The following DNMT3A variants were observed in gnomAD, a reference collection of about 807,000 sequenced individuals.
DNMT3A encodes DNA (cytosine-5)-methyltransferase 3A.
In DNMT3A, 267 loss-of-function variants were observed where a neutral mutation model predicts 117.6. The observed-to-expected ratio is 2.27, with a 90% CI of 2.05 to 2.51. The LOEUF is 2.51. Among genes scored for constraint, DNMT3A ranks in the 30% most tolerant of loss-of-function variants. DNMT3A has a pLI of 0.00. For missense variants in DNMT3A, 1,029 were observed against 1,260.2 expected (o/e 0.82, Z 2.78); for synonymous variants, 432 against 474.8 (o/e 0.91, Z 1.17).
chr2:25,244,368 C>T, intron 14 of DNMT3A, 30 bp from the exon 15 acceptor site: 2 of 1,582,472 alleles, frequency 1.3e-6, no homozygotes, highest in Non-Finnish European at 1.7e-6. Flanking sequence ...GCAGAGGAGA[C>T]TCTCAGCCCT....
In DNMT3A at chr2:25,236,835, G is replaced by A; in HGVS notation, c.2478+101C>T. 1 of 1,251,872 alleles carries A rather than the reference G, an allele frequency of 8.0e-7. No individual in the cohort carries two copies. The highest frequency in any genetic ancestry group is 2.3e-5 in the Admixed American group (1 of 43,494). 77.5% of individuals were successfully genotyped at this position (1,251,872 alleles called of 1,614,324 possible). On this transcript the variant is annotated intron_variant, in intron 21 of 22. Transcript: ENST00000321117. The surrounding 1 kb of genome is among the most constrained non-coding windows in gnomAD (Gnocchi z 4.5). The stretch of plus-strand genomic sequence containing the variant: ...CTCCTAAATTGCATTCTCCACACTA[G>A]CTGGAGAAGCAGGCGGGACAAGGCC...
Position 25,282,104 on chromosome 2 carries a change from C to A in DNMT3A, c.448+337G>T. The A allele has an allele frequency of 8.8e-7, 1 of 1,142,072 alleles. No homozygotes were observed. The highest frequency in any genetic ancestry group is 1.1e-6 in the Non-Finnish European group (1 of 894,538). The allele number at this position is 1,142,072 out of a possible 1,614,324, so 70.7% of individuals were successfully genotyped here. On this transcript the variant is annotated intron_variant, in intron 4 of 22. Transcript: ENST00000321117. This position sits in a 1 kb window ranked among gnomAD's most constrained non-coding sequence, Gnocchi z 5.2. ...AGGCGATGGAGGGACCGCCATTATC[C>A]CAGTCTAGCAATCGTTGGCGTTATG...
rs1024296111 is a variant in DNMT3A, at chr2:25,247,605, C to T, written c.1000G>A (p.Gly334Ser). The T allele has an allele frequency of 6.2e-6, 10 of 1,614,012 alleles. No individual in the cohort carries two copies. Among genetic ancestry groups the T allele is most frequent in the South Asian group, 1.1e-5 (1 of 91,054 alleles). The change falls in exon 8 of 23, where the codon GGC becomes AGC. Residue 334 changes from glycine to serine, a missense_variant. Transcript: ENST00000321117. The surrounding 1 kb of genome is among the most constrained non-coding windows in gnomAD (Gnocchi z 5.6). Reference sequence around the variant, plus strand: ...CCACAACTTACCACTGAGAATTTGCCGTCTCCGAACCACATGACCCAGCGG... The same window carrying T: ...CCACAACTTACCACTGAGAATTTGCTGTCTCCGAACCACATGACCCAGCGG... ...GTRWVMWFGD[G>S]KFSVVCVEKL... is the part of the protein sequence containing the mutation.
chr2:25,288,943 T>TG (rs1282869566), intron 3 of DNMT3A, among the ~76,000 whole-genome samples: 1 of 152,064 alleles, frequency 6.6e-6, no homozygotes, highest in African/African-American at 2.4e-5. Context: ...CCCTGAAGGG[T>TG]GGGGGTGAAC....
intron 6 of DNMT3A, among the ~76,000 whole-genome samples, chr2:25,251,133 G>C (rs1675482671): frequency 6.8e-6 from 1 of 146,188 alleles, no homozygotes; most frequent in African/African-American, 2.5e-5. Context: ...CTGGGGCAGT[G>C]GGGTGGGGGA....
At chr2:25,288,369 T>C (rs1360264159) in intron 3 of DNMT3A, among the ~76,000 whole-genome samples, 1 of 151,658 alleles carries the variant, frequency 6.6e-6, no homozygotes, top group African/African-American at 2.4e-5. Context: ...AGGCAGAGCT[T>C]GCAGTGAGCC....
At position 25,246,284 on chromosome 2, in the gene DNMT3A, C is replaced by T. The variant is rs759747677; in HGVS notation, c.1305G>A (p.Val435=). The T allele has an allele frequency of 6.8e-6, 11 of 1,612,188 alleles. No homozygotes were observed. The highest frequency in any genetic ancestry group is 3.3e-4 in the Middle Eastern group (2 of 6,072). The change falls in exon 11 of 23, where the codon GTG becomes GTA. Residue 435 remains valine (V), a synonymous_variant. Coordinates refer to ENST00000321117, the MANE Select transcript of DNMT3A (RefSeq NM_022552.5). ...CAGGTTCCACCCACATGTCCGTGTA[C>T]ACTTCTTTGTAGGGATTCTTCTCTT... is the stretch of plus-strand genomic sequence containing the variant. ...PEEEKNPYKE[V]YTDMWVEPEA... is the part of the protein sequence containing the mutation.
chr2:25,303,897 C>A (rs72810074), intron 2 of DNMT3A, among the ~76,000 whole-genome samples: 3,389 of 152,344 alleles, frequency 0.022, 60 homozygotes, highest in Non-Finnish European at 0.031. Flanking sequence ...GCAAGTGGTT[C>A]ATTCTCGCAT....
rs1003672409 is a variant in DNMT3A at position 25,228,202 on chromosome 2, A to C, written c.*6077T>G. On this transcript the variant is annotated 3_prime_UTR_variant, in exon 23 of 23. Coordinates refer to ENST00000321117, the MANE Select transcript of DNMT3A (RefSeq NM_022552.5). Reference sequence around the variant, plus strand: ...GTCAATAAATAGAGAAGCAACCCTAAAAAAAAAAAAAAAAAAAAAAAAAAA... The same window carrying C: ...GTCAATAAATAGAGAAGCAACCCTACAAAAAAAAAAAAAAAAAAAAAAAAA... 3.4e-4 allele frequency: 25 copies of C among 73,616 alleles called. No individual in the cohort carries two copies. Among genetic ancestry groups the C allele is most frequent in the African/African-American group, 1.4e-3 (25 of 18,104 alleles). 4.6% of individuals were successfully genotyped at this position (73,616 alleles called of 1,614,324 possible). A position where few individuals can be genotyped will look rare whatever the true frequency, so the allele number is the denominator to read the frequency against.
rs2033075756 is a variant in DNMT3A, at chr2:25,296,158, T to C, written c.177+3981A>G. 6.6e-6 allele frequency among the ~76,000 whole-genome samples: 1 copy of C among 152,170 alleles called. No homozygotes were observed. The highest frequency in any genetic ancestry group is 1.9e-4 in the East Asian group (1 of 5,200). On this transcript the variant is annotated intron_variant, in intron 3 of 22. Transcript: ENST00000321117. The surrounding 1 kb of genome is among the most constrained non-coding windows in gnomAD (Gnocchi z 4.2). ...AGGTCTGCAGACCACTGCAGTCCCA[T>C]GTGTGTGATCGGTGGGCTTGGAACT...
rs2034574763 is a variant in DNMT3A, at chr2:25,321,015, C to T, written c.-177-6854G>A. Among the ~76,000 whole-genome samples, 4 of 152,102 alleles carry T rather than the reference C, an allele frequency of 2.6e-5. No homozygotes were observed. In the South Asian group the frequency reaches 8.3e-4, roughly 32 times the overall value. ...GGCATGATGGTGCATTCCTGTAATCCCAGCTACTCGGGAAGGCTGAGGCAG... is the reference window on the plus strand; with the variant it reads ...GGCATGATGGTGCATTCCTGTAATCTCAGCTACTCGGGAAGGCTGAGGCAG... On this transcript the variant is annotated intron_variant, in intron 1 of 22. Coordinates refer to ENST00000321117, the MANE Select transcript of DNMT3A (RefSeq NM_022552.5).
rs760193114 is a variant in DNMT3A, at chr2:25,246,858, A to G, written c.1123-82T>C. On this transcript the variant is annotated intron_variant, in intron 9 of 22. Coordinates refer to ENST00000321117, the MANE Select transcript of DNMT3A (RefSeq NM_022552.5). ...TCAGGCTCAAGGCCAGACTCTGAGT[A>G]GTGAGGGTGGCACAGGCAAGATGGG... 3.2e-4 allele frequency: 507 copies of G among 1,570,728 alleles called. 2 individuals carry two copies. The highest frequency in any genetic ancestry group is 3.6e-4 in the Non-Finnish European group (414 of 1,157,356).
At chr2:25,270,515 C>T (rs1259293732) in intron 6 of DNMT3A, among the ~76,000 whole-genome samples, 1 of 152,214 alleles carries the variant, frequency 6.6e-6, no homozygotes, top group Non-Finnish European at 1.5e-5. Flanking sequence ...GAAGCGCTGG[C>T]TGGCCCTTCA....
rs1445168551 is a variant in DNMT3A, at chr2:25,246,194, G to A, written c.1395C>T (p.Pro465=). 1 of 1,614,000 alleles carries A rather than the reference G, an allele frequency of 6.2e-7. No individual in the cohort carries two copies. The highest frequency in any genetic ancestry group is 1.3e-5 in the African/African-American group (1 of 74,918). The change falls in exon 11 of 23, where the codon CCC becomes CCT. Residue 465 remains proline (P), a synonymous_variant. Coordinates refer to ENST00000321117, the MANE Select transcript of DNMT3A (RefSeq NM_022552.5). ...KKPRKSTAEK[P]KVKEIIDERT... ...GCTCATCAATAATCTCCTTGACCTT[G>A]GGCTTCTCCGCTGTGCTCTTCCGGG...
rs1288004443 is a variant in DNMT3A, at chr2:25,233,915, CCTT to C, written c.*361_*363del. ...TTGTTACTGATTTTTGCTGCAATAACCTTCTTGTTTCAGTCACAGCAAGAAACA... is the reference window on the plus strand; with the variant it reads ...TTGTTACTGATTTTTGCTGCAATAACCTTGTTTCAGTCACAGCAAGAAACA... On this transcript the variant is annotated 3_prime_UTR_variant, in exon 23 of 23. Coordinates refer to ENST00000321117, the MANE Select transcript of DNMT3A (RefSeq NM_022552.5). The C allele has an allele frequency of 8.3e-6, 2 of 241,298 alleles. No homozygotes were observed. Among genetic ancestry groups the C allele is most frequent in the East Asian group, 5.9e-5 (1 of 17,004 alleles). 14.9% of individuals were successfully genotyped at this position (241,298 alleles called of 1,614,324 possible). A position where few individuals can be genotyped will look rare whatever the true frequency, so the allele number is the denominator to read the frequency against.
Position 25,233,276 on chromosome 2 carries a change from G to T in DNMT3A, c.*1003C>A, listed in dbSNP as rs536862337. On this transcript the variant is annotated 3_prime_UTR_variant, in exon 23 of 23. Transcript: ENST00000321117. ...CTCCCAAGTTCTCCTCCTTCACTTCGTTACAAACCAAGGGGAAGAGCCCAC... is the reference window on the plus strand; with the variant it reads ...CTCCCAAGTTCTCCTCCTTCACTTCTTTACAAACCAAGGGGAAGAGCCCAC... The T allele has an allele frequency of 4.3e-6, 1 of 233,426 alleles. No homozygotes were observed. The highest frequency in any genetic ancestry group is 8.5e-6 in the Non-Finnish European group (1 of 118,006). The allele number at this position is 233,426 out of a possible 1,614,324, so 14.5% of individuals were successfully genotyped here. A position where few individuals can be genotyped will look rare whatever the true frequency, so the allele number is the denominator to read the frequency against.
chr2:25,342,583 C>G (rs1384216641), upstream of DNMT3A: 1 of 152,374 alleles, frequency 6.6e-6, no homozygotes, highest in African/African-American at 2.4e-5. The surrounding 1 kb of genome is among the most constrained non-coding windows in gnomAD (Gnocchi z 5.9). Context: ...TCCGCCAGAG[C>G]CCACTGCGCT....
intron 1 of DNMT3A, among the ~76,000 whole-genome samples, chr2:25,320,032 A>G (rs1350532720): frequency 1.3e-5 from 2 of 152,224 alleles, no homozygotes; most frequent in African/African-American, 4.8e-5. Context: ...GGCCTCCCAA[A>G]GTCCTGGGAT....
rs188699105 is a variant in DNMT3A, at chr2:25,289,361, A to T, written c.178-6650T>A. On this transcript the variant is annotated intron_variant, in intron 3 of 22. Transcript: ENST00000321117. The stretch of plus-strand genomic sequence containing the variant: ...GTGATCCATCCGCCTCAGCCTCCCA[A>T]AGTGCTGGGATTACAGGCGTGAGCC... Among the ~76,000 whole-genome samples, 232 of 152,156 alleles carry T rather than the reference A, an allele frequency of 1.5e-3. 2 individuals are homozygous for T. The highest frequency in any genetic ancestry group is 5.3e-3 in the African/African-American group (220 of 41,542).
Sources: allele counts gnomAD v4.1 joint callset (sites outside exome capture counted in the v4.1 genomes callset), GRCh38; gene constraint gnomAD v4.1.1; non-coding constraint Gnocchi (gnomAD v3.1); transcripts MANE v1.5; gene names NCBI Gene and HGNC (gene_info 2026-07-23, HGNC 2026-07-21).